AHCYL2: variants seen among roughly 807,000 people sequenced by gnomAD.
AHCYL2 encodes adenosylhomocysteinase like 2, also known as S-adenosylhomocysteine hydrolase-like protein 2.
Under a neutral mutation model 81.4 loss-of-function variants are expected in AHCYL2, and 28 were observed. That is an observed-to-expected ratio of 0.34 (90% CI 0.25 to 0.47). The LOEUF (loss-of-function observed/expected upper bound fraction) is 0.47, where lower values mean the gene tolerates loss of function less well. AHCYL2 is among the 20% of genes least tolerant of loss of function. AHCYL2 has a pLI of 1.00. For missense variants in AHCYL2, 551 were observed against 785.1 expected (o/e 0.70, Z 3.56); for synonymous variants, 272 against 290.2 (o/e 0.94, Z 0.64).
intron 1 of AHCYL2, among the ~76,000 whole-genome samples, chr7:129,235,712 A>T (rs866025996): frequency 2.6e-5 from 4 of 152,302 alleles, no homozygotes; most frequent in Non-Finnish European, 5.9e-5. Context: ...CTTGTACATA[A>T]ATAAAAGCAT....
intron 9 of AHCYL2, 63 bp downstream of exon 9, chr7:129,405,962 T>G: frequency 6.5e-7 from 1 of 1,532,464 alleles, no homozygotes; most frequent in South Asian, 1.2e-5. Flanking sequence ...ATTCTGGAAT[T>G]TTTTATTTGT....
At chr7:129,283,540 A>G in intron 1 of AHCYL2, 4 of 359,870 alleles carry the variant, frequency 1.1e-5, no homozygotes, top group Non-Finnish European at 2.2e-5. Flanking sequence ...AAATGGATAT[A>G]TTTGCCAAAG....
chr7:129,265,598 T>G (rs188713147), intron 1 of AHCYL2, among the ~76,000 whole-genome samples: 1 of 151,742 alleles, frequency 6.6e-6, no homozygotes, highest in African/African-American at 2.4e-5. Context: ...TGGAGTAGAG[T>G]AAGTAAGGGG....
intron 1 of AHCYL2, among the ~76,000 whole-genome samples, chr7:129,281,526 T>TC (rs1443116747): frequency 7.2e-6 from 1 of 139,166 alleles, no homozygotes; most frequent in Non-Finnish European, 1.5e-5. Context: ...AGACAGGGTC[T>TC]CCCTCTGTCA....
chr7:129,249,278 A>T (rs1287279847), intron 1 of AHCYL2, among the ~76,000 whole-genome samples: 1 of 151,288 alleles, frequency 6.6e-6, no homozygotes, highest in Non-Finnish European at 1.5e-5. Flanking sequence ...GATTACAGAC[A>T]TGAGCTGCTG....
At chr7:129,371,952 A>G (rs1794430497) in intron 1 of AHCYL2, among the ~76,000 whole-genome samples, 1 of 152,192 alleles carries the variant, frequency 6.6e-6, no homozygotes. Context: ...AAAATCTCCA[A>G]AGTGTCTGAT....
At chr7:129,392,954 G>A (rs147879856) in intron 4 of AHCYL2, among the ~76,000 whole-genome samples, 1 of 152,178 alleles carries the variant, frequency 6.6e-6, no homozygotes, top group Non-Finnish European at 1.5e-5. Context: ...CTCATTATGA[G>A]ATTCAGGCTA....
intron 1 of AHCYL2, among the ~76,000 whole-genome samples, chr7:129,248,730 A>G (rs1795146736): frequency 6.6e-6 from 1 of 151,068 alleles, no homozygotes; most frequent in African/African-American, 2.4e-5. Context: ...TAGGATTTTG[A>G]TAGGGATTTC....
intron 1 of AHCYL2, among the ~76,000 whole-genome samples, chr7:129,287,118 G>A (rs550482933): frequency 3.9e-5 from 6 of 152,192 alleles, no homozygotes; most frequent in South Asian, 2.1e-4. Flanking sequence ...TTGGATTCTC[G>A]TATCTGCTTT....
At position 129,280,178 on chromosome 7, in the gene AHCYL2, C is replaced by CTTTT. The variant is rs59849233; in HGVS notation, c.363+54747_363+54750dup. 8.9e-5 allele frequency among the ~76,000 whole-genome samples: 10 copies of CTTTT among 112,556 alleles called. 2 individuals are homozygous for CTTTT. The highest frequency in any genetic ancestry group is 3.1e-4 in the South Asian group (1 of 3,270). The allele number at this position is 112,556 out of a possible 152,430, so 73.8% of individuals were successfully genotyped here. The stretch of plus-strand genomic sequence containing the variant: ...TTATAGTCTTTAAGTTTGCTAAATA[C>CTTTT]TTTTTTTTTTTGAGAGAGTCTCGCT... On this transcript the variant is annotated intron_variant, in intron 1 of 16. Transcript: ENST00000325006.
chr7:129,330,671 C>T (rs1176976770), intron 1 of AHCYL2, among the ~76,000 whole-genome samples: 3 of 151,948 alleles, frequency 2.0e-5, no homozygotes, highest in African/African-American at 7.3e-5. Context: ...CCGTGTTAGC[C>T]AGGATAGTAT....
At chr7:129,259,402 G>C (rs1795541803) in intron 1 of AHCYL2, among the ~76,000 whole-genome samples, 1 of 152,050 alleles carries the variant, frequency 6.6e-6, no homozygotes, top group East Asian at 1.9e-4. Flanking sequence ...CCTAACCTTT[G>C]AATTTCAAGT....
At chr7:129,290,118 G>T (rs144378506) in intron 1 of AHCYL2, among the ~76,000 whole-genome samples, 1 of 152,086 alleles carries the variant, frequency 6.6e-6, no homozygotes, top group African/African-American at 2.4e-5. Context: ...TGATGAGGAC[G>T]TGTCTTAGAC....
intron 1 of AHCYL2, among the ~76,000 whole-genome samples, chr7:129,280,233 G>A (rs1388177315): frequency 1.4e-5 from 2 of 138,504 alleles, no homozygotes; most frequent in African/African-American, 5.3e-5. Context: ...ACAGTGGCAC[G>A]ATCTCGGCTC....
intron 1 of AHCYL2, among the ~76,000 whole-genome samples, chr7:129,244,778 C>G (rs753906026): frequency 6.6e-6 from 1 of 152,194 alleles, no homozygotes; most frequent in East Asian, 1.9e-4. Context: ...TATCTAATGC[C>G]GCCTTCTGAT....
intron 1 of AHCYL2, among the ~76,000 whole-genome samples, chr7:129,345,815 C>T: frequency 6.6e-6 from 1 of 152,140 alleles, no homozygotes; most frequent in South Asian, 2.1e-4. Flanking sequence ...CTCAGAGTGA[C>T]TTCCAGGTTT....
At chr7:129,225,796 A>C (rs1227327069) in intron 1 of AHCYL2, among the ~76,000 whole-genome samples, 3 of 152,326 alleles carry the variant, frequency 2.0e-5, no homozygotes, top group African/African-American at 7.2e-5. Flanking sequence ...GATAGTATAG[A>C]AAAACCTTAC....
At chr7:129,264,892 A>G (rs933886337) in intron 1 of AHCYL2, among the ~76,000 whole-genome samples, 3 of 152,246 alleles carry the variant, frequency 2.0e-5, no homozygotes, top group Non-Finnish European at 4.4e-5. Context: ...TCAACTGCAT[A>G]TAACAGTAAC....
At chr7:129,245,106 T>C (rs555426148) in intron 1 of AHCYL2, among the ~76,000 whole-genome samples, 4 of 150,704 alleles carry the variant, frequency 2.7e-5, no homozygotes, top group African/African-American at 9.7e-5. Flanking sequence ...CTCACTGCAG[T>C]CTCCGCCTCC....
Sources: gnomAD v4.1 joint callset for allele counts (sites outside exome capture counted in the v4.1 genomes callset) on GRCh38, gnomAD v4.1.1 for gene constraint, MANE v1.5 for transcripts, NCBI Gene and HGNC (gene_info 2026-07-23, HGNC 2026-07-21) for gene names.